Variants in PTPRN2 observed in about 807,000 individuals in gnomAD.
The protein encoded by PTPRN2 is receptor-type tyrosine-protein phosphatase N2.
PTPRN2 carries 74 observed loss-of-function variants against 118.8 expected under a neutral mutation model. The ratio of observed to expected loss-of-function variants is 0.62; its 90% CI spans 0.52 to 0.76. PTPRN2 has a LOEUF of 0.76. PTPRN2 is among the 30% of genes least tolerant of loss of function. PTPRN2 has a pLI of 0.00. For missense variants in PTPRN2, 1,481 were observed against 1,394.4 expected (o/e 1.06, Z -0.99); for synonymous variants, 641 against 608.0 (o/e 1.05, Z -0.80).
intron 2 of PTPRN2, among the ~76,000 whole-genome samples, chr7:158,369,877 C>G (rs921779774): frequency 6.6e-6 from 1 of 152,160 alleles, no homozygotes; most frequent in African/African-American, 2.4e-5. Flanking sequence ...AGCAAGATAA[C>G]AGCACTCCAG....
At position 158,526,865 on chromosome 7, in the gene PTPRN2, CTGT is replaced by C. The variant is rs1824819451; in HGVS notation, c.113-37083_113-37081del. On this transcript the variant is annotated intron_variant, in intron 1 of 22. Transcript: ENST00000389418. The surrounding 1 kb of genome is among the most constrained non-coding windows in gnomAD (Gnocchi z 5.2). ...TTCGGCCTCCAGGACTCAGAAATGT[CTGT>C]TGTTTGCTAAGCCGCCTGGTTTGTG... Among the ~76,000 whole-genome samples the C allele has an allele frequency of 6.6e-6, 1 of 152,088 alleles. No individual in the cohort carries two copies. The highest frequency in any genetic ancestry group is 6.5e-5 in the Admixed American group (1 of 15,274).
chr7:158,056,246 C>G (rs959004122), intron 11 of PTPRN2, among the ~76,000 whole-genome samples: 14 of 152,194 alleles, frequency 9.2e-5, no homozygotes, highest in African/African-American at 3.4e-4. Context: ...AAGGTCAGAT[C>G]TCCTTAATGG....
At chr7:157,547,900 C>T (rs549143212) in intron 22 of PTPRN2, among the ~76,000 whole-genome samples, 8 of 151,436 alleles carry the variant, frequency 5.3e-5, no homozygotes, top group Admixed American at 1.3e-4. Flanking sequence ...TGATGCCCCT[C>T]GCGTGGCCGC....
chr7:157,852,182 T>C (rs988572834), intron 12 of PTPRN2, among the ~76,000 whole-genome samples: 2 of 152,236 alleles, frequency 1.3e-5, no homozygotes, highest in African/African-American at 2.4e-5. Flanking sequence ...TGGGAATTAT[T>C]TTGTCAAAAA....
In PTPRN2 at chr7:158,142,645, C is replaced by T. The variant is rs189586258; in HGVS notation, c.911-4130G>A. On this transcript the variant is annotated intron_variant, in intron 6 of 22. Transcript: ENST00000389418. ...CACACCCCCAGGGCCCACCAACCCCCACACATCAGCCCTCACCATGCATTC... is the reference window on the plus strand; with the variant it reads ...CACACCCCCAGGGCCCACCAACCCCTACACATCAGCCCTCACCATGCATTC... Among the ~76,000 whole-genome samples, 455 of 152,306 alleles carry T rather than the reference C, an allele frequency of 3.0e-3. 2 individuals are homozygous for T. The highest frequency in any genetic ancestry group is 6.8e-3 in the Middle Eastern group (2 of 294).
chr7:157,931,442 C>G (rs1799353210), intron 11 of PTPRN2, among the ~76,000 whole-genome samples: 1 of 152,142 alleles, frequency 6.6e-6, no homozygotes, highest in Non-Finnish European at 1.5e-5. Context: ...ACAACAGAGG[C>G]ACGGAACCCA....
At chr7:158,321,970 G>A (rs778556734) in intron 2 of PTPRN2, among the ~76,000 whole-genome samples, 9 of 152,134 alleles carry the variant, frequency 5.9e-5, no homozygotes, top group Non-Finnish European at 1.0e-4. Context: ...GCCTCTGCGC[G>A]GAAGCCTAAC....
chr7:158,071,348 CGTGGTGGTGGAGGTG>C (rs1811522404), intron 11 of PTPRN2, among the ~76,000 whole-genome samples: 1 of 89,614 alleles, frequency 1.1e-5, no homozygotes, highest in Non-Finnish European at 2.2e-5. Flanking sequence ...TGGAGGTGCT[CGTGGTGGTGGAGGTG>C]CTCATGGTGG....
intron 11 of PTPRN2, among the ~76,000 whole-genome samples, chr7:157,999,470 T>C (rs1416317694): frequency 6.6e-6 from 1 of 152,148 alleles, no homozygotes; most frequent in African/African-American, 2.4e-5. Context: ...GGCTTTTGTG[T>C]TCTCTCACTC....
intron 12 of PTPRN2, among the ~76,000 whole-genome samples, chr7:157,804,164 C>T (rs1394334309): frequency 1.3e-5 from 2 of 152,224 alleles, no homozygotes; most frequent in African/African-American, 4.8e-5. Flanking sequence ...TCTAATTCCT[C>T]ACCGGGTGTG....
chr7:157,743,118 G>A (rs1232771054), intron 12 of PTPRN2, among the ~76,000 whole-genome samples: 2 of 152,222 alleles, frequency 1.3e-5, no homozygotes, highest in African/African-American at 4.8e-5. Flanking sequence ...ACCACTCACT[G>A]AGCCTGGGCA....
intron 1 of PTPRN2, among the ~76,000 whole-genome samples, chr7:158,516,659 T>C (rs551794995): frequency 1.3e-5 from 2 of 149,614 alleles, no homozygotes; most frequent in Non-Finnish European, 3.0e-5. Context: ...CCTATTGTTC[T>C]TGGTGCTGTT....
chr7:158,333,657 A>G (rs1214882053), intron 2 of PTPRN2, among the ~76,000 whole-genome samples: 6 of 151,634 alleles, frequency 4.0e-5, no homozygotes, highest in African/African-American at 1.5e-4. Flanking sequence ...CATTCTCACC[A>G]TAAGAGCTGA....
At chr7:158,155,373 C>T (rs1821612651) in intron 6 of PTPRN2, among the ~76,000 whole-genome samples, 1 of 152,162 alleles carries the variant, frequency 6.6e-6, no homozygotes, top group African/African-American at 2.4e-5. Flanking sequence ...GCCTTTACAA[C>T]CATGTATATA....
chr7:158,385,532 A>G (rs1200531688), intron 2 of PTPRN2, among the ~76,000 whole-genome samples: 1 of 152,156 alleles, frequency 6.6e-6, no homozygotes, highest in Non-Finnish European at 1.5e-5. Flanking sequence ...ATCCAGCATA[A>G]AATTCCACAC....
At chr7:158,298,466 G>A (rs1048899234) in intron 3 of PTPRN2, among the ~76,000 whole-genome samples, 15 of 152,312 alleles carry the variant, frequency 9.8e-5, no homozygotes, top group African/African-American at 1.7e-4. Flanking sequence ...GACCCAAGTC[G>A]AAACATGAAA....
intron 3 of PTPRN2, among the ~76,000 whole-genome samples, chr7:158,256,230 A>C (rs1797010133): frequency 2.0e-5 from 3 of 152,154 alleles, no homozygotes; most frequent in African/African-American, 7.2e-5. Context: ...CTTTGGACCA[A>C]GCTCTGTCCC....
chr7:158,571,336 A>G (rs1156255007), intron 1 of PTPRN2, among the ~76,000 whole-genome samples: 2 of 151,754 alleles, frequency 1.3e-5, no homozygotes, highest in African/African-American at 4.8e-5. Context: ...AAATTAGCCA[A>G]GCATGGTAGT....
chr7:157,776,540 C>T (rs1255966199), intron 12 of PTPRN2, among the ~76,000 whole-genome samples: 2 of 118,650 alleles, frequency 1.7e-5, no homozygotes, highest in African/African-American at 3.4e-5. Context: ...CTCTCTCCTT[C>T]TCCCTCTCCT....
Sources: gnomAD v4.1 joint callset for allele counts (sites outside exome capture counted in the v4.1 genomes callset) on GRCh38, gnomAD v4.1.1 for gene constraint, Gnocchi (gnomAD v3.1) non-coding constraint, MANE v1.5 for transcripts, NCBI Gene and HGNC (gene_info 2026-07-23, HGNC 2026-07-21) for gene names.